Variants in POC1B observed in about 807,000 individuals in gnomAD.
POC1B encodes POC1 centriolar protein homolog B.
A neutral mutation model predicts 60.6 loss-of-function variants in POC1B; 44 were observed. The observed-to-expected ratio is 0.73, with a 90% CI of 0.57 to 0.93. The LOEUF is 0.93. Among genes scored for constraint, POC1B ranks in the 40% least tolerant of loss-of-function variants. The probability of loss-of-function intolerance (pLI) is 0.00; values close to 1 mark genes in which losing one functional copy is unlikely to be tolerated. For synonymous variants in POC1B, 180 were observed against 198.9 expected, an observed-to-expected ratio of 0.90 and a Z score of 0.80; for missense variants, 555 against 572.3, an observed-to-expected ratio of 0.97 and a Z score of 0.31.
intron 11 of POC1B, among the ~76,000 whole-genome samples, chr12:89,424,245 T>G (rs770374): frequency 0.52 from 78,481 of 151,978 alleles, 21,233 homozygotes; most frequent in East Asian, 0.7. Context: ...GAATCATATG[T>G]GGGTTCTTAA....
At chr12:89,430,762 C>T (rs1880996046) in intron 10 of POC1B, among the ~76,000 whole-genome samples, 1 of 152,152 alleles carries the variant, frequency 6.6e-6, no homozygotes, top group Non-Finnish European at 1.5e-5. Flanking sequence ...CATGTGGGGT[C>T]AGTAACTTTA....
At chr12:89,512,059 C>T (rs757865531) in intron 2 of POC1B, among the ~76,000 whole-genome samples, 1 of 152,078 alleles carries the variant, frequency 6.6e-6, no homozygotes, top group Non-Finnish European at 1.5e-5. Context: ...CTCAAAACAA[C>T]AATAAACCTA....
chr12:89,514,573 T>C (rs944342695), intron 2 of POC1B, among the ~76,000 whole-genome samples: 28 of 151,902 alleles, frequency 1.8e-4, no homozygotes, highest in African/African-American at 5.1e-4. Flanking sequence ...CACACCTGGC[T>C]AATTTTTTAT....
chr12:89,408,705 TC>T, the POC1B span, among the ~76,000 whole-genome samples: 7 of 152,168 alleles, frequency 4.6e-5, no homozygotes, highest in Non-Finnish European at 8.8e-5. Context: ...TCCAGGATGG[TC>T]TCGATCTCCT....
At chr12:89,435,522 C>A (rs1174641816) in intron 10 of POC1B, among the ~76,000 whole-genome samples, 5 of 152,036 alleles carry the variant, frequency 3.3e-5, no homozygotes, top group African/African-American at 1.2e-4. Context: ...AGTATCAAAT[C>A]CTTCATCATA....
chr12:89,453,185 G>C (rs1021824499), intron 10 of POC1B, among the ~76,000 whole-genome samples: 3 of 152,122 alleles, frequency 2.0e-5, no homozygotes, highest in Non-Finnish European at 4.4e-5. Context: ...TTTCGAAGGG[G>C]AATGTTTTTA....
At chr12:89,432,284 G>T (rs1881063524) in intron 10 of POC1B, among the ~76,000 whole-genome samples, 1 of 151,010 alleles carries the variant, frequency 6.6e-6, no homozygotes, top group Admixed American at 6.6e-5. Flanking sequence ...TACTCAGGAG[G>T]CTGAGGCAGG....
intron 1 of POC1B, 164 bp from the exon 2 acceptor site, chr12:89,525,368 G>A: frequency 2.1e-6 from 3 of 1,422,940 alleles, no homozygotes; most frequent in South Asian, 3.0e-5. Flanking sequence ...CGGGCGCGGC[G>A]CCCAGTCCTG....
chr12:89,456,002 C>CTT (rs1165409256), intron 10 of POC1B, among the ~76,000 whole-genome samples: 1 of 135,616 alleles, frequency 7.4e-6, no homozygotes, highest in African/African-American at 2.7e-5. Flanking sequence ...GTTTAAAACT[C>CTT]TTTTTTGTTG....
chr12:89,444,401 T>A (rs1345103341), intron 10 of POC1B, among the ~76,000 whole-genome samples: 3 of 152,278 alleles, frequency 2.0e-5, no homozygotes, highest in Middle Eastern at 3.4e-3. Flanking sequence ...AAAAAGCTTA[T>A]CCACCACGAT....
chr12:89,423,597 C>T (rs752959462), intron 11 of POC1B, among the ~76,000 whole-genome samples: 2 of 152,110 alleles, frequency 1.3e-5, no homozygotes, highest in African/African-American at 2.4e-5. Flanking sequence ...CGATAAACAC[C>T]GTCCAACTTA....
chr12:89,496,247 C>T (rs1200183115), intron 3 of POC1B, among the ~76,000 whole-genome samples: 1 of 152,098 alleles, frequency 6.6e-6, no homozygotes, highest in South Asian at 2.1e-4. Flanking sequence ...AGGGTTTGTG[C>T]TCCTATGAGA....
rs147110283 is a variant in POC1B, at chr12:89,476,774, A to G, written c.453-4499T>C. On this transcript the variant is annotated intron_variant, in intron 4 of 11. Transcript: ENST00000313546. ...GATAGATAGATAGACAGACAGACAG[A>G]CAGACACTTTTATAAAAAATTCAAA... Among the ~76,000 whole-genome samples the G allele has an allele frequency of 4.8e-4, 72 of 150,556 alleles. No individual in the cohort carries two copies. The East Asian group carries it at 0.014, about 29-fold the overall frequency.
chr12:89,457,305 T>C (rs1882298661), intron 10 of POC1B, among the ~76,000 whole-genome samples: 1 of 152,186 alleles, frequency 6.6e-6, no homozygotes, highest in Non-Finnish European at 1.5e-5. Flanking sequence ...ACCACTATAT[T>C]AATGGAAAGG....
rs536355251 is a variant in POC1B at position 89,522,046 on chromosome 12, A to G, written c.100+3074T>C. The stretch of plus-strand genomic sequence containing the variant: ...ATAACTTAAGGAAGTGCAATCAGAA[A>G]ATGCCCTACACACACAAACACGTTC... On this transcript the variant is annotated intron_variant, in intron 2 of 11. Coordinates refer to ENST00000313546, the MANE Select transcript of POC1B (RefSeq NM_172240.3). 13 of 399,046 alleles carry G rather than the reference A, an allele frequency of 3.3e-5. 1 individual carries two copies. Among genetic ancestry groups the G allele is most frequent in the African/African-American group, 2.7e-4 (13 of 48,750 alleles). 24.7% of individuals were successfully genotyped at this position (399,046 alleles called of 1,614,324 possible). A position where few individuals can be genotyped will look rare whatever the true frequency, so the allele number is the denominator to read the frequency against.
At position 89,459,249 on chromosome 12, in the gene POC1B, G is replaced by C. The variant is rs1882376185; in HGVS notation, c.1113+389C>G. On this transcript the variant is annotated intron_variant, in intron 10 of 11. Transcript: ENST00000313546. ...CTGGGAAGGGGAACATCACACACCA[G>C]GGCCTGTTGTGGGGTGGGGTGGCAG... Among the ~76,000 whole-genome samples, 3 of 151,876 alleles carry C rather than the reference G, an allele frequency of 2.0e-5. No individual in the cohort carries two copies. In the South Asian group the frequency reaches 6.2e-4, roughly 32 times the overall value.
chr12:89,404,132 TAA>T, the POC1B span, among the ~76,000 whole-genome samples: 13 of 136,282 alleles, frequency 9.5e-5, no homozygotes, highest in Non-Finnish European at 8.0e-5. Context: ...AACTCCATCT[TAA>T]AAAAAAAAAA....
chr12:89,524,262 G>T (rs1871209861), intron 2 of POC1B: 1 of 1,614,006 alleles, frequency 6.2e-7, no homozygotes, highest in South Asian at 1.1e-5. Flanking sequence ...ATCTCTCAAT[G>T]AGTTCTTCTT....
intron 4 of POC1B, among the ~76,000 whole-genome samples, chr12:89,489,886 C>T (rs1399063106): frequency 6.6e-6 from 1 of 152,196 alleles, no homozygotes; most frequent in East Asian, 1.9e-4. Context: ...ACCTAAACTG[C>T]AGCAGCCACA....
Sources: allele counts gnomAD v4.1 joint callset (sites outside exome capture counted in the v4.1 genomes callset), GRCh38; gene constraint gnomAD v4.1.1; transcripts MANE v1.5; gene names NCBI Gene and HGNC (gene_info 2026-07-23, HGNC 2026-07-21).